The following NGEF variants were observed in gnomAD, a reference collection of about 807,000 sequenced individuals.
The protein encoded by NGEF is neuronal guanine nucleotide exchange factor.
Under a neutral mutation model 80.9 loss-of-function variants are expected in NGEF, and 31 were observed. That is an observed-to-expected ratio of 0.38 (90% CI 0.29 to 0.52). The LOEUF (loss-of-function observed/expected upper bound fraction) is 0.52, where lower values mean the gene tolerates loss of function less well. Ranked by LOEUF, NGEF falls within the 20% of genes least tolerant of loss-of-function variation. The pLI is 0.84. For synonymous variants in NGEF, 371 were observed against 370.2 expected, an observed-to-expected ratio of 1.00 and a Z score of -0.03; for missense variants, 709 against 926.2, an observed-to-expected ratio of 0.77 and a Z score of 3.04.
Position 232,948,181 on chromosome 2 carries a change from GTGTA to G in NGEF, c.384-20999_384-20996del, listed in dbSNP as rs1290599945. Among the ~76,000 whole-genome samples, 557 of 148,220 alleles carry G rather than the reference GTGTA, an allele frequency of 3.8e-3. 3 individuals are homozygous for G. The highest frequency in any genetic ancestry group is 0.012 in the African/African-American group (488 of 39,184). ...TGTGTGTGTGTGTGTGTGTGTGTGT[GTGTA>G]TATAATTATTATTAGTTTTTTGAGA... On this transcript the variant is annotated intron_variant, in intron 3 of 14. Coordinates refer to ENST00000264051, the MANE Select transcript of NGEF (RefSeq NM_019850.3).
chr2:232,960,232 G>C (rs1333271479), intron 3 of NGEF, among the ~76,000 whole-genome samples: 1 of 152,188 alleles, frequency 6.6e-6, no homozygotes, highest in East Asian at 1.9e-4. Flanking sequence ...ACATATTAAG[G>C]TTTTTTTCTT....
intron 1 of NGEF, among the ~76,000 whole-genome samples, chr2:232,982,820 G>T (rs11695714): frequency 0.26 from 38,845 of 152,192 alleles, 5,293 homozygotes; most frequent in Non-Finnish European, 0.28. Flanking sequence ...GGCAGCCTTG[G>T]GCCTTTTTTC....
Position 232,927,116 on chromosome 2 carries a change from T to C in NGEF, c.454A>G (p.Thr152Ala). 3 of 1,613,148 alleles carry C rather than the reference T, an allele frequency of 1.9e-6. No homozygotes were observed. Among genetic ancestry groups the C allele is most frequent in the African/African-American group, 1.3e-5 (1 of 74,992 alleles). The change falls in exon 4 of 15, where the codon ACG becomes GCG. Residue 152 changes from threonine to alanine, a missense_variant. Transcript: ENST00000264051. ...EWPALADSPT[T>A]LTEALRMIHP... ...ATCATCCGCAGGGCCTCGGTGAGCG[T>C]GGTGGGGCTGTCGGCCAGGGCCGGC...
intron 5 of NGEF, among the ~76,000 whole-genome samples, chr2:232,913,311 C>T (rs77250332): frequency 0.045 from 6,920 of 152,136 alleles, 199 homozygotes; most frequent in Non-Finnish European, 0.066. Context: ...TCTTTGTTAC[C>T]GATTTCTAGT....
intron 5 of NGEF, among the ~76,000 whole-genome samples, chr2:232,896,245 G>T (rs1692055261): frequency 6.6e-6 from 1 of 152,170 alleles, no homozygotes; most frequent in Admixed American, 6.5e-5. Flanking sequence ...GTTAAGGTTG[G>T]CCCCAAACCA....
At chr2:232,917,798 G>C (rs1206678471) in intron 5 of NGEF, among the ~76,000 whole-genome samples, 2 of 152,092 alleles carry the variant, frequency 1.3e-5, no homozygotes, top group Admixed American at 1.3e-4. Flanking sequence ...TTTTGAGACA[G>C]AGTCTTGCTC....
intron 5 of NGEF, among the ~76,000 whole-genome samples, chr2:232,919,969 G>A (rs994375047): frequency 2.0e-5 from 3 of 152,190 alleles, no homozygotes; most frequent in East Asian, 1.9e-4. Context: ...GCCTCGTGCC[G>A]TGGCATTCAC....
At chr2:232,901,073 C>A (rs977508276) in intron 5 of NGEF, among the ~76,000 whole-genome samples, 5 of 152,270 alleles carry the variant, frequency 3.3e-5, no homozygotes, top group African/African-American at 9.6e-5. Flanking sequence ...CAAGAAAAGT[C>A]TGCAGGAAGC....
intron 1 of NGEF, among the ~76,000 whole-genome samples, chr2:232,979,276 G>T (rs1293368377): frequency 6.6e-6 from 1 of 151,786 alleles, no homozygotes; most frequent in Non-Finnish European, 1.5e-5. Flanking sequence ...AAGAGTCAGG[G>T]GGATTGTCCT....
At chr2:232,969,601 C>T (rs112580473) in intron 3 of NGEF, among the ~76,000 whole-genome samples, 22,783 of 150,600 alleles carry the variant, frequency 0.15, 2,149 homozygotes, top group African/African-American at 0.26. Context: ...CTCCACATCC[C>T]GGGTTCAATC....
intron 1 of NGEF, among the ~76,000 whole-genome samples, chr2:233,003,158 C>T (rs1376109951): frequency 3.3e-5 from 5 of 152,168 alleles, no homozygotes; most frequent in Admixed American, 6.5e-5. Context: ...CAAACCCTCC[C>T]GGGAGGTGGC....
Position 232,942,028 on chromosome 2 carries a change from T to A in NGEF, c.384-14842A>T, listed in dbSNP as rs1038222690. 2.6e-5 allele frequency among the ~76,000 whole-genome samples: 4 copies of A among 152,180 alleles called. 1 individual carries two copies. Among genetic ancestry groups the A allele is most frequent in the African/African-American group, 9.7e-5 (4 of 41,444 alleles). On this transcript the variant is annotated intron_variant, in intron 3 of 14. Transcript: ENST00000264051. ...TCTTCCTTTTAAATGGAAGCCATAG[T>A]CCCATCAGGTGAGTCACCAAAGAAA...
intron 3 of NGEF, among the ~76,000 whole-genome samples, chr2:232,937,182 G>C (rs1693344727): frequency 6.6e-6 from 1 of 152,102 alleles, no homozygotes; most frequent in Non-Finnish European, 1.5e-5. Context: ...TGGCCAGGCT[G>C]GTCTTGAACT....
chr2:232,956,290 G>A (rs1693832413), intron 3 of NGEF, among the ~76,000 whole-genome samples: 1 of 152,100 alleles, frequency 6.6e-6, no homozygotes, highest in Admixed American at 6.5e-5. Flanking sequence ...ACAAGCTTAT[G>A]GGTCCATCAG....
rs1363964261 is a variant in NGEF, at chr2:232,920,393, C to A, written c.719G>T (p.Cys240Phe). The A allele has an allele frequency of 1.9e-6, 3 of 1,613,964 alleles. No individual in the cohort carries two copies. The highest frequency in any genetic ancestry group is 2.5e-6 in the Non-Finnish European group (3 of 1,179,988). Residue 240 changes from cysteine (C) to phenylalanine (F), a missense_variant, in exon 5 of 15, where the codon TGC (cysteine) becomes TTC (phenylalanine). By Grantham distance (205) the Cys-to-Phe change is radical. Coordinates refer to ENST00000264051, the MANE Select transcript of NGEF (RefSeq NM_019850.3). ...PPERKTLPQI[C>F]LLSNPHSRFN... ...CCTTGAGTGGGGGTTACTGAGCAGG[C>A]AGATCTGGGGCAGAGTCTTCCTCTC...
chr2:232,949,794 G>C (rs561733041), intron 3 of NGEF, among the ~76,000 whole-genome samples: 1 of 146,622 alleles, frequency 6.8e-6, no homozygotes, highest in East Asian at 2.1e-4. Context: ...ACTCTCTCTA[G>C]TACTTAGTGT....
chr2:232,978,639 A>G (rs1239269996), intron 1 of NGEF, among the ~76,000 whole-genome samples: 1 of 151,886 alleles, frequency 6.6e-6, no homozygotes, highest in Non-Finnish European at 1.5e-5. Flanking sequence ...CTCCCTCAAC[A>G]GGGAAAAGTC....
rs1481206392 is a variant in NGEF, at chr2:232,897,075, GAGGGGTGAGGGTTGGGATGGGGTGGGGGA to G, written c.829-2188_829-2160del. 1.5e-4 allele frequency among the ~76,000 whole-genome samples: 20 copies of G among 132,214 alleles called. No individual in the cohort carries two copies. In the East Asian group the frequency reaches 2.1e-3, roughly 14 times the overall value. The allele number at this position is 132,214 out of a possible 152,430, so 86.7% of individuals were successfully genotyped here. On this transcript the variant is annotated intron_variant, in intron 5 of 14. Coordinates refer to ENST00000264051, the MANE Select transcript of NGEF (RefSeq NM_019850.3). ...GTAAGGGTGGGAGTAGGGGTGGGGT[GAGGGGTGAGGGTTGGGATGGGGTGGGGGA>G]AGGGGTGAGGGTAGGGATGGGGTAG... is the stretch of plus-strand genomic sequence containing the variant.
intron 3 of NGEF, among the ~76,000 whole-genome samples, chr2:232,932,227 C>T (rs1194724531): frequency 3.6e-5 from 5 of 139,626 alleles, no homozygotes; most frequent in South Asian, 2.3e-4. Context: ...TGCAGTGGCA[C>T]GATTTTGGTT....
Sources: gnomAD v4.1 joint callset for allele counts (sites outside exome capture counted in the v4.1 genomes callset) on GRCh38, gnomAD v4.1.1 for gene constraint, MANE v1.5 for transcripts, NCBI Gene and HGNC (gene_info 2026-07-23, HGNC 2026-07-21) for gene names.